HIPK2: variants seen among roughly 807,000 people sequenced by gnomAD.
HIPK2 encodes the protein homeodomain interacting protein kinase 2.
In HIPK2, 27 loss-of-function variants were observed where a neutral mutation model predicts 113.7. The observed-to-expected ratio is 0.24, with a 90% CI of 0.17 to 0.33. The LOEUF (loss-of-function observed/expected upper bound fraction) is 0.33. Ranked by LOEUF, HIPK2 falls within the 10% of genes least tolerant of loss-of-function variation. HIPK2 has a pLI of 1.00. For synonymous variants in HIPK2, 631 were observed against 642.2 expected, an observed-to-expected ratio of 0.98 and a Z score of 0.26; for missense variants, 1,257 against 1,588.0, an observed-to-expected ratio of 0.79 and a Z score of 3.54.
At chr7:139,611,188 G>C (rs1348218715) in intron 9 of HIPK2, among the ~76,000 whole-genome samples, 3 of 152,172 alleles carry the variant, frequency 2.0e-5, no homozygotes, top group African/African-American at 2.4e-5. Flanking sequence ...GTAACAACAA[G>C]AAGAAGATAT....
intron 1 of HIPK2, among the ~76,000 whole-genome samples, chr7:139,725,314 T>G (rs760460545): frequency 6.6e-6 from 1 of 152,160 alleles, no homozygotes; most frequent in Non-Finnish European, 1.5e-5. Context: ...AAGCTGCAAT[T>G]AGAAAGATGG....
intron 1 of HIPK2, among the ~76,000 whole-genome samples, chr7:139,724,898 C>T (rs1795525356): frequency 1.3e-5 from 2 of 152,074 alleles, no homozygotes; most frequent in South Asian, 4.1e-4. Context: ...CAATGATAGA[C>T]TGGATTAAGA....
intron 1 of HIPK2, among the ~76,000 whole-genome samples, chr7:139,761,913 T>C (rs1352910949): frequency 6.6e-6 from 1 of 152,124 alleles, no homozygotes; most frequent in Non-Finnish European, 1.5e-5. Context: ...CTAAGAGATG[T>C]AACAGTGGTC....
intron 10 of HIPK2, among the ~76,000 whole-genome samples, chr7:139,600,962 G>A (rs1799404161): frequency 1.3e-5 from 2 of 152,172 alleles, no homozygotes; most frequent in Non-Finnish European, 2.9e-5. Context: ...GAATTTACAG[G>A]CCAGGTATGG....
intron 1 of HIPK2, among the ~76,000 whole-genome samples, chr7:139,772,730 G>A (rs895960937): frequency 6.6e-6 from 1 of 151,464 alleles, no homozygotes; most frequent in African/African-American, 2.4e-5. Context: ...TGGGATTACA[G>A]GCACCACCAC....
chr7:139,648,951 G>A (rs1801350435), intron 2 of HIPK2, among the ~76,000 whole-genome samples: 3 of 152,228 alleles, frequency 2.0e-5, no homozygotes, highest in South Asian at 2.1e-4. Flanking sequence ...AACCCCAAAC[G>A]GAAGAACAGA....
chr7:139,712,211 G>A (rs1795093668), intron 2 of HIPK2, among the ~76,000 whole-genome samples: 1 of 152,246 alleles, frequency 6.6e-6, no homozygotes. Context: ...AAACACACCA[G>A]TGGGCTTGCC....
chr7:139,655,486 C>T (rs1011954521), intron 2 of HIPK2, among the ~76,000 whole-genome samples: 1 of 152,232 alleles, frequency 6.6e-6, no homozygotes, highest in Non-Finnish European at 1.5e-5. Flanking sequence ...GCAACTCTGT[C>T]TTCCTCTGGA....
Position 139,630,501 on chromosome 7 carries a change from G to A in HIPK2, c.1347+664C>T, listed in dbSNP as rs1800571389. ...CAACCTCCGCCTCCCAGGTGCAAGT[G>A]ATTCACGTGCCTCAGCTTCCTGAGT... is the stretch of plus-strand genomic sequence containing the variant. On this transcript the variant is annotated intron_variant, in intron 4 of 14. Coordinates refer to ENST00000406875, the MANE Select transcript of HIPK2 (RefSeq NM_022740.5). This position sits in a 1 kb window ranked among gnomAD's most constrained non-coding sequence, Gnocchi z 4.0. Among the ~76,000 whole-genome samples the A allele has an allele frequency of 6.6e-6, 1 of 152,228 alleles. No individual in the cohort carries two copies. Among genetic ancestry groups the A allele is most frequent in the African/African-American group, 2.4e-5 (1 of 41,458 alleles).
chr7:139,627,753 C>T (rs1800482718), intron 5 of HIPK2, among the ~76,000 whole-genome samples: 1 of 152,182 alleles, frequency 6.6e-6, no homozygotes, highest in South Asian at 2.1e-4. Context: ...AAAGAGAAAA[C>T]TCACTTTGGG....
chr7:139,637,333 C>T (rs557078901), intron 2 of HIPK2, among the ~76,000 whole-genome samples: 9 of 152,364 alleles, frequency 5.9e-5, no homozygotes, highest in Admixed American at 2.6e-4. Flanking sequence ...GGGGCCTCCA[C>T]GATTGGGACC....
In HIPK2 at chr7:139,631,569, G is replaced by T; in HGVS notation, c.1227+33C>A. 1 of 1,604,180 alleles carries T rather than the reference G, an allele frequency of 6.2e-7. No homozygotes were observed. Among genetic ancestry groups the T allele is most frequent in the Non-Finnish European group, 8.5e-7 (1 of 1,174,732 alleles). ...AGGCTATTTTCCAGATGAAGAATGA[G>T]GTCTTGTGAATATCTGTGTCATCTG... On this transcript the variant is annotated intron_variant, in intron 3 of 14. Transcript: ENST00000406875. This position sits in a 1 kb window ranked among gnomAD's most constrained non-coding sequence, Gnocchi z 4.9.
At chr7:139,595,768 G>C (rs898813174) in intron 12 of HIPK2, among the ~76,000 whole-genome samples, 1 of 152,308 alleles carries the variant, frequency 6.6e-6, no homozygotes, top group East Asian at 1.9e-4. Flanking sequence ...TCAAATGTGA[G>C]AATTTATTAT....
chr7:139,629,517 A>G (rs1355813871), intron 4 of HIPK2, among the ~76,000 whole-genome samples: 1 of 152,246 alleles, frequency 6.6e-6, no homozygotes, highest in Non-Finnish European at 1.5e-5. Context: ...CACAGTTACT[A>G]TCCCCATTTT....
intron 1 of HIPK2, among the ~76,000 whole-genome samples, chr7:139,751,561 GGGATGGAT>G (rs1167995438): frequency 7.6e-6 from 1 of 131,180 alleles, no homozygotes; most frequent in Non-Finnish European, 1.6e-5. Context: ...GAGGGAGGGA[GGGATGGAT>G]GGATGGATGG....
At position 139,753,994 on chromosome 7, in the gene HIPK2, G is replaced by A. The variant is rs375719368; in HGVS notation, c.19+23611C>T. On this transcript the variant is annotated intron_variant, in intron 1 of 14. Coordinates refer to ENST00000406875, the MANE Select transcript of HIPK2 (RefSeq NM_022740.5). ...GAGCAGGAGGGCAGCAGCCCTGCCT[G>A]TGGGGCTTCCACCTGACTTCAAAGA... Among the ~76,000 whole-genome samples, 56 of 152,382 alleles carry A rather than the reference G, an allele frequency of 3.7e-4. No homozygotes were observed. In the East Asian group the frequency reaches 9.2e-3, roughly 25 times the overall value.
chr7:139,734,532 C>G (rs1365595783), intron 1 of HIPK2, among the ~76,000 whole-genome samples: 1 of 152,180 alleles, frequency 6.6e-6, no homozygotes, highest in Non-Finnish European at 1.5e-5. Context: ...CTTTCCACAC[C>G]CTGCCCCCTA....
intron 2 of HIPK2, among the ~76,000 whole-genome samples, chr7:139,655,706 T>G (rs1303459310): frequency 5.3e-5 from 8 of 152,116 alleles, no homozygotes; most frequent in Non-Finnish European, 1.0e-4. Context: ...CAAGTCCAGG[T>G]GAAGATGTAT....
intron 2 of HIPK2, among the ~76,000 whole-genome samples, chr7:139,696,325 C>T (rs997750893): frequency 3.9e-5 from 6 of 152,072 alleles, no homozygotes; most frequent in Non-Finnish European, 7.4e-5. Context: ...ATAATCCCAG[C>T]GCTTTGGGAG....
Sources: allele counts gnomAD v4.1 joint callset (sites outside exome capture counted in the v4.1 genomes callset), GRCh38; gene constraint gnomAD v4.1.1; non-coding constraint Gnocchi (gnomAD v3.1); transcripts MANE v1.5; gene names NCBI Gene and HGNC (gene_info 2026-07-23, HGNC 2026-07-21).